The following RTN1 variants were observed in gnomAD, a reference collection of about 807,000 sequenced individuals.
The protein encoded by RTN1 is reticulon 1, also known as reticulon-1.
RTN1 carries 25 observed loss-of-function variants against 65.5 expected under a neutral mutation model. That is an observed-to-expected ratio of 0.38 (90% CI 0.28 to 0.53). The LOEUF (loss-of-function observed/expected upper bound fraction) is 0.53, where lower values mean the gene tolerates loss of function less well. RTN1 is among the 20% of genes least tolerant of loss of function. The pLI, the probability that RTN1 is intolerant of heterozygous loss-of-function variation, is 0.79. For missense variants in RTN1, 983 were observed against 1,025.4 expected, an observed-to-expected ratio of 0.96 and a Z score of 0.57; for synonymous variants, 471 against 447.6, an observed-to-expected ratio of 1.05 and a Z score of -0.66.
chr14:59,612,180 C>T (rs895959590), intron 3 of RTN1, among the ~76,000 whole-genome samples: 2 of 152,164 alleles, frequency 1.3e-5, no homozygotes, highest in Admixed American at 6.5e-5. Flanking sequence ...TAATTCGGTT[C>T]CCCTTGCAGC....
Position 59,603,256 on chromosome 14 carries a change from C to G in RTN1, c.2185G>C (p.Val729Leu). The G allele has an allele frequency of 6.2e-7, 1 of 1,612,130 alleles. No homozygotes were observed. Among genetic ancestry groups the G allele is most frequent in the South Asian group, 1.1e-5 (1 of 90,592 alleles). The change falls in exon 7 of 9, where the codon GTG becomes CTG. Residue 729 changes from valine to leucine, a missense_variant and splice_region_variant. Val to Leu is a conservative substitution (Grantham distance 32, BLOSUM62 1). This residue lies in a region of RTN1 where 165 missense variants were observed against 223.6 expected (regional missense o/e 0.74). Transcript: ENST00000267484. ...FNGLTLLLMAVVSMFTLPVVY... is the reference protein window; with the variant it reads ...FNGLTLLLMALVSMFTLPVVY... ...ACAGGTAGAGTAAACATTGAAACCA[C>G]AGCTGGGATGAAAAACAAATATAGT...
intron 1 of RTN1, among the ~76,000 whole-genome samples, chr14:59,821,139 A>C (rs1886936319): frequency 6.6e-6 from 1 of 152,222 alleles, no homozygotes; most frequent in African/African-American, 2.4e-5. Flanking sequence ...CTTCCTGTGC[A>C]TGATCATGAA....
At chr14:59,687,948 G>T (rs541837414) in intron 3 of RTN1, among the ~76,000 whole-genome samples, 24 of 152,100 alleles carry the variant, frequency 1.6e-4, no homozygotes, top group Non-Finnish European at 2.9e-4. Flanking sequence ...GCCTAGGATT[G>T]GCAGCCTGAA....
chr14:59,735,357 G>A (rs903284616), intron 2 of RTN1, among the ~76,000 whole-genome samples: 23 of 152,112 alleles, frequency 1.5e-4, no homozygotes, highest in African/African-American at 4.1e-4. Flanking sequence ...AGCTAGCGTC[G>A]TGATGACAGA....
At chr14:59,746,667 A>C (rs951899774) in intron 1 of RTN1, among the ~76,000 whole-genome samples, 186 bp from the exon 2 acceptor site, 6 of 152,018 alleles carry the variant, frequency 3.9e-5, no homozygotes, top group Admixed American at 1.3e-4. Flanking sequence ...GATAGTCCAT[A>C]CTTGTGGTAT....
intron 1 of RTN1, among the ~76,000 whole-genome samples, chr14:59,762,820 G>T (rs2139548031): frequency 6.6e-6 from 1 of 152,292 alleles, no homozygotes; most frequent in South Asian, 2.1e-4. Context: ...CTTTTTTGAG[G>T]TACTTGTGCA....
chr14:59,801,221 G>C (rs1046427683), intron 1 of RTN1, among the ~76,000 whole-genome samples: 3 of 151,946 alleles, frequency 2.0e-5, no homozygotes, highest in African/African-American at 7.3e-5. Context: ...AATTAATCAA[G>C]ACAAAAAATC....
intron 5 of RTN1, chr14:59,604,200 C>T (rs531289606): frequency 2.9e-5 from 6 of 208,568 alleles, no homozygotes; most frequent in Middle Eastern, 1.9e-3. Flanking sequence ...CATAGGCCCA[C>T]GAGTTAATAA....
intron 1 of RTN1, among the ~76,000 whole-genome samples, chr14:59,864,551 A>AT (rs1219938961): frequency 1.4e-5 from 2 of 141,246 alleles, no homozygotes; most frequent in African/African-American, 5.0e-5. Flanking sequence ...GCCCCCACCA[A>AT]GAAAAAAAAA....
intron 1 of RTN1, among the ~76,000 whole-genome samples, chr14:59,845,277 C>T (rs1249941852): frequency 6.6e-6 from 1 of 152,166 alleles, no homozygotes; most frequent in Non-Finnish European, 1.5e-5. Context: ...AATATTAATA[C>T]ATTACATTTG....
chr14:59,626,503 G>A (rs925737439), intron 3 of RTN1, among the ~76,000 whole-genome samples: 3 of 152,182 alleles, frequency 2.0e-5, no homozygotes, highest in African/African-American at 7.2e-5. Flanking sequence ...TGAGTACAGT[G>A]AGATCTGGGG....
Position 59,746,255 on chromosome 14 carries a change from T to C in RTN1, c.468A>G (p.Ile156Met). 6.2e-7 allele frequency: 1 copy of C among 1,613,166 alleles called. No individual in the cohort carries two copies. Among genetic ancestry groups the C allele is most frequent in the South Asian group, 1.1e-5 (1 of 90,910 alleles). Reference protein sequence around the residue: ...PGPSLPDVPGIESRGLFSSDS... With the variant: ...PGPSLPDVPGMESRGLFSSDS... ...CAGAACTAAATAAGCCACGAGACTC[T>C]ATCCCAGGCACATCTGGTAAGGAGG... The change falls in exon 2 of 9, where the codon ATA becomes ATG. Residue 156 changes from isoleucine (I) to methionine (M), a missense_variant. By Grantham distance (10) the Ile-to-Met change is conservative (BLOSUM62 1). Coordinates refer to ENST00000267484, the MANE Select transcript of RTN1 (RefSeq NM_021136.3).
intron 3 of RTN1, among the ~76,000 whole-genome samples, chr14:59,680,518 T>C (rs1883724271): frequency 6.6e-6 from 1 of 152,360 alleles, no homozygotes; most frequent in East Asian, 1.9e-4. Context: ...CAATTACCAA[T>C]TTCCCAATGA....
chr14:59,791,643 A>T (rs928590286), intron 1 of RTN1, among the ~76,000 whole-genome samples: 1 of 152,158 alleles, frequency 6.6e-6, no homozygotes, highest in South Asian at 2.1e-4. Context: ...TGCCACATTA[A>T]CATCCTACTA....
chr14:59,789,045 T>C (rs1886301542), intron 1 of RTN1, among the ~76,000 whole-genome samples: 1 of 152,086 alleles, frequency 6.6e-6, no homozygotes, highest in Admixed American at 6.5e-5. Context: ...ATTGTTAATT[T>C]TTCCCTACAT....
chr14:59,794,056 G>A lies in RTN1; in HGVS notation c.242-47575C>T, dbSNP rs994109399. On this transcript the variant is annotated intron_variant, in intron 1 of 8. Transcript: ENST00000267484. This position sits in a 1 kb window ranked among gnomAD's most constrained non-coding sequence, Gnocchi z 5.1. ...CCGGCCATGAATCTTGAGTTAGACTGACCCTTCCTCCAGTCCTAGTGATGC... is the reference window on the plus strand; with the variant it reads ...CCGGCCATGAATCTTGAGTTAGACTAACCCTTCCTCCAGTCCTAGTGATGC... Among the ~76,000 whole-genome samples, 29 of 152,116 alleles carry A rather than the reference G, an allele frequency of 1.9e-4. No individual in the cohort carries two copies. The highest frequency in any genetic ancestry group is 2.9e-5 in the Non-Finnish European group (2 of 68,014).
intron 3 of RTN1, among the ~76,000 whole-genome samples, chr14:59,652,465 T>A (rs189826600): frequency 6.6e-6 from 1 of 152,306 alleles, no homozygotes; most frequent in Admixed American, 6.5e-5. Flanking sequence ...AAAGAAAATA[T>A]GGTACATATA....
chr14:59,747,546 C>A (rs529103839), intron 1 of RTN1, among the ~76,000 whole-genome samples: 1 of 152,040 alleles, frequency 6.6e-6, no homozygotes, highest in Non-Finnish European at 1.5e-5. Flanking sequence ...GAGGAGGTTG[C>A]GGTAAGCTGA....
intron 3 of RTN1, among the ~76,000 whole-genome samples, chr14:59,705,582 T>G (rs1884273755): frequency 6.6e-6 from 1 of 152,208 alleles, no homozygotes; most frequent in Non-Finnish European, 1.5e-5. Flanking sequence ...AGTCATTATT[T>G]TGCTAATGTT....
Sources: gnomAD v4.1 joint callset for allele counts (sites outside exome capture counted in the v4.1 genomes callset) on GRCh38, gnomAD v4.1.1 for gene constraint, gnomAD v4.1.1 regional missense constraint, Gnocchi (gnomAD v3.1) non-coding constraint, MANE v1.5 for transcripts, NCBI Gene and HGNC (gene_info 2026-07-23, HGNC 2026-07-21) for gene names.